The following AGBL4 variants were observed in gnomAD, a reference collection of about 807,000 sequenced individuals.
The protein encoded by AGBL4 is cytosolic carboxypeptidase 6.
In AGBL4, 58 loss-of-function variants were observed where a neutral mutation model predicts 66.4. That is an observed-to-expected ratio of 0.87 (90% CI 0.71 to 1.09). The LOEUF is 1.09. AGBL4 is among the 50% of genes least tolerant of loss of function. The pLI, the probability that AGBL4 is intolerant of heterozygous loss-of-function variation, is 0.00. For synonymous variants in AGBL4, 234 were observed against 222.9 expected, an observed-to-expected ratio of 1.05 and a Z score of -0.44; for missense variants, 579 against 631.0, an observed-to-expected ratio of 0.92 and a Z score of 0.88.
At chr1:48,970,150 T>A (rs1658787579) in intron 5 of AGBL4, among the ~76,000 whole-genome samples, 1 of 152,082 alleles carries the variant, frequency 6.6e-6, no homozygotes, top group African/African-American at 2.4e-5. Context: ...AAATAAGCAG[T>A]AGACTTAATT....
intron 3 of AGBL4, among the ~76,000 whole-genome samples, chr1:49,254,541 C>T (rs781250623): frequency 2.0e-5 from 3 of 152,122 alleles, no homozygotes; most frequent in Admixed American, 6.5e-5. Context: ...AAAAACATTC[C>T]ATGTTCATGG....
chr1:49,714,861 C>A (rs1647970610), intron 2 of AGBL4, among the ~76,000 whole-genome samples: 1 of 151,818 alleles, frequency 6.6e-6, no homozygotes, highest in Admixed American at 6.6e-5. Flanking sequence ...TACTGTTTTC[C>A]ATAGAGATTG....
intron 6 of AGBL4, among the ~76,000 whole-genome samples, chr1:48,763,147 T>C (rs1327636294): frequency 6.6e-6 from 1 of 151,988 alleles, no homozygotes; most frequent in Non-Finnish European, 1.5e-5. Flanking sequence ...ATGATTTAAG[T>C]AGGGTAAGGA....
intron 6 of AGBL4, among the ~76,000 whole-genome samples, chr1:48,724,311 G>T (rs1029727707): frequency 6.6e-6 from 1 of 152,192 alleles, no homozygotes; most frequent in Non-Finnish European, 1.5e-5. Context: ...TCATTTGTTG[G>T]TAAGTGCTAG....
At chr1:49,496,958 T>C (rs914171153) in intron 3 of AGBL4, among the ~76,000 whole-genome samples, 15 of 152,026 alleles carry the variant, frequency 9.9e-5, no homozygotes, top group African/African-American at 3.6e-4. Flanking sequence ...CTGTTTTCAA[T>C]AATGGCCATA....
intron 5 of AGBL4, among the ~76,000 whole-genome samples, chr1:49,042,743 A>G (rs2149052373): frequency 6.6e-6 from 1 of 152,264 alleles, no homozygotes; most frequent in East Asian, 1.9e-4. Flanking sequence ...AGACTTTTAC[A>G]TTGAAAAGAA....
At chr1:49,692,717 C>CAA (rs1205355419) in intron 3 of AGBL4, among the ~76,000 whole-genome samples, 10 of 82,474 alleles carry the variant, frequency 1.2e-4, no homozygotes, top group African/African-American at 2.4e-4. Flanking sequence ...GACTCTGTCT[C>CAA]AAAAAAAAAA....
chr1:49,084,655 A>C (rs1644871736), intron 4 of AGBL4, among the ~76,000 whole-genome samples: 2 of 152,184 alleles, frequency 1.3e-5, no homozygotes, highest in Non-Finnish European at 2.9e-5. Flanking sequence ...GGACAGAGCC[A>C]AACCATATCA....
chr1:49,007,937 A>G (rs1662004500), intron 5 of AGBL4, among the ~76,000 whole-genome samples: 1 of 151,828 alleles, frequency 6.6e-6, no homozygotes, highest in Admixed American at 6.6e-5. Flanking sequence ...CAAAATGTAA[A>G]GACCATCAAG....
At chr1:49,928,694 A>C (rs563185991) in intron 1 of AGBL4, among the ~76,000 whole-genome samples, 1 of 152,208 alleles carries the variant, frequency 6.6e-6, no homozygotes, top group South Asian at 2.1e-4. Context: ...CCAAGAAACC[A>C]GAATAGAATT....
chr1:49,651,496 A>G (rs1232022814), intron 3 of AGBL4, among the ~76,000 whole-genome samples: 1 of 152,108 alleles, frequency 6.6e-6, no homozygotes, highest in African/African-American at 2.4e-5. Context: ...AGACCTCCGC[A>G]TTTCCAATCT....
At chr1:49,055,808 T>C (rs1296874156) in intron 4 of AGBL4, among the ~76,000 whole-genome samples, 5 of 152,164 alleles carry the variant, frequency 3.3e-5, no homozygotes, top group African/African-American at 1.2e-4. Flanking sequence ...TTTTTAAAAC[T>C]AGATTTTGAA....
At chr1:49,249,486 T>A (rs1280851556) in intron 3 of AGBL4, among the ~76,000 whole-genome samples, 1 of 152,058 alleles carries the variant, frequency 6.6e-6, no homozygotes, top group African/African-American at 2.4e-5. Flanking sequence ...ACATCATTAA[T>A]CATCAAAAAA....
intron 9 of AGBL4, among the ~76,000 whole-genome samples, chr1:48,623,355 T>C (rs534553683): frequency 6.6e-6 from 1 of 152,346 alleles, no homozygotes; most frequent in South Asian, 2.1e-4. Flanking sequence ...TGATAAGGCT[T>C]CCCACAGTCA....
chr1:49,977,122 A>G (rs1484232324), intron 1 of AGBL4, among the ~76,000 whole-genome samples: 1 of 151,940 alleles, frequency 6.6e-6, no homozygotes, highest in Admixed American at 6.5e-5. Flanking sequence ...TATTTTCCTT[A>G]TTCTTCCCTC....
chr1:48,778,901 A>ATATTTC (rs1645212997), intron 6 of AGBL4, among the ~76,000 whole-genome samples: 1 of 152,104 alleles, frequency 6.6e-6, no homozygotes, highest in African/African-American at 2.4e-5. Context: ...CCCACTGGTT[A>ATATTTC]TGTGGTACAG....
At chr1:48,964,736 AATACATAC>A (rs549304007) in intron 5 of AGBL4, among the ~76,000 whole-genome samples, 1 of 152,004 alleles carries the variant, frequency 6.6e-6, no homozygotes, top group Non-Finnish European at 1.5e-5. Context: ...AAAATAAATA[AATACATAC>A]ATACATACAT....
intron 4 of AGBL4, among the ~76,000 whole-genome samples, chr1:49,077,066 T>G (rs1644724648): frequency 1.3e-5 from 2 of 151,118 alleles, no homozygotes; most frequent in African/African-American, 4.8e-5. Context: ...TATCATAACA[T>G]CCATATCGCT....
intron 5 of AGBL4, among the ~76,000 whole-genome samples, chr1:48,989,201 G>T (rs1049649094): frequency 1.3e-5 from 2 of 152,116 alleles, no homozygotes; most frequent in South Asian, 4.2e-4. Flanking sequence ...TTCTTCGAGA[G>T]CCTTCATTCT....
Sources: allele counts gnomAD v4.1 joint callset (sites outside exome capture counted in the v4.1 genomes callset), GRCh38; gene constraint gnomAD v4.1.1; transcripts MANE v1.5; gene names NCBI Gene and HGNC (gene_info 2026-07-23, HGNC 2026-07-21).